TOX: variants seen among roughly 807,000 people sequenced by gnomAD.
TOX encodes thymocyte selection associated high mobility group box.
Under a neutral mutation model 53.7 loss-of-function variants are expected in TOX, and 11 were observed. The observed-to-expected ratio is 0.20, with a 90% confidence interval of 0.13 to 0.34. The LOEUF (loss-of-function observed/expected upper bound fraction) is 0.34. Among genes scored for constraint, TOX ranks in the 10% least tolerant of loss-of-function variants. TOX has a pLI of 1.00. For synonymous variants in TOX, 225 were observed against 245.3 expected, an observed-to-expected ratio of 0.92 and a Z score of 0.77; for missense variants, 570 against 664.6, an observed-to-expected ratio of 0.86 and a Z score of 1.56.
In TOX at chr8:58,838,068, G is replaced by A; in HGVS notation, c.924+13C>T. On this transcript the variant is annotated intron_variant, in intron 5 of 8. Coordinates refer to ENST00000361421, the MANE Select transcript of TOX (RefSeq NM_014729.3). ...AGCTTATGTAGATTCCCATTCCACT[G>A]GGAATCCCTTACCTGTTTTTGCTCT... is the stretch of plus-strand genomic sequence containing the variant. The A allele has an allele frequency of 6.2e-7, 1 of 1,611,260 alleles. No homozygotes were observed. Among genetic ancestry groups the A allele is most frequent in the Non-Finnish European group, 8.5e-7 (1 of 1,177,646 alleles).
At chr8:58,827,093 G>GAAA (rs199556197) in intron 5 of TOX, among the ~76,000 whole-genome samples, 191 bp from the exon 6 acceptor site, 1 of 149,904 alleles carries the variant, frequency 6.7e-6, no homozygotes, top group Admixed American at 6.6e-5. Flanking sequence ...GACTAGAAAA[G>GAAA]AAAAAAAAAG....
chr8:58,888,038 T>C (rs1041123196), intron 3 of TOX, among the ~76,000 whole-genome samples: 4 of 152,080 alleles, frequency 2.6e-5, no homozygotes, highest in African/African-American at 4.8e-5. Context: ...TACAAACCTG[T>C]ACAGCATGTG....
At chr8:59,021,481 A>AAAATATATATATATATAT (rs59174995) in intron 1 of TOX, among the ~76,000 whole-genome samples, 1 of 64,740 alleles carries the variant, frequency 1.5e-5, no homozygotes, top group African/African-American at 5.3e-5. Flanking sequence ...AAAAAAAAAA[A>AAAATATATATATATATAT]ATATATATAT....
intron 3 of TOX, among the ~76,000 whole-genome samples, chr8:58,906,933 T>G (rs995673603): frequency 3.9e-5 from 6 of 152,230 alleles, no homozygotes; most frequent in African/African-American, 1.4e-4. Flanking sequence ...GCAACACTGT[T>G]TCTGATTGTC....
At chr8:58,932,979 A>G (rs2129175856) in intron 3 of TOX, among the ~76,000 whole-genome samples, 1 of 152,256 alleles carries the variant, frequency 6.6e-6, no homozygotes, top group African/African-American at 2.4e-5. Context: ...GCCTTTTAAC[A>G]TCTTTTTTCC....
intron 3 of TOX, among the ~76,000 whole-genome samples, chr8:58,854,054 G>T (rs981339442): frequency 6.6e-6 from 1 of 152,152 alleles, no homozygotes; most frequent in African/African-American, 2.4e-5. Flanking sequence ...CCTACAGGGG[G>T]GCAGTCTTCT....
At chr8:58,873,435 C>T (rs1390399039) in intron 3 of TOX, among the ~76,000 whole-genome samples, 3 of 152,012 alleles carry the variant, frequency 2.0e-5, no homozygotes, top group Admixed American at 6.6e-5. Context: ...ATCTGTTGTC[C>T]GTACTACAAA....
At chr8:58,953,075 T>C (rs2129177803) in intron 2 of TOX, among the ~76,000 whole-genome samples, 1 of 152,252 alleles carries the variant, frequency 6.6e-6, no homozygotes, top group South Asian at 2.1e-4. Context: ...CATATTTTCA[T>C]GTAGATGATC....
intron 3 of TOX, among the ~76,000 whole-genome samples, chr8:58,913,743 G>A (rs912207422): frequency 6.9e-6 from 1 of 144,044 alleles, no homozygotes; most frequent in African/African-American, 2.5e-5. Flanking sequence ...ACCAATACTT[G>A]GAAGTATAAG....
At chr8:59,063,514 C>T (rs1406780671) in intron 1 of TOX, among the ~76,000 whole-genome samples, 3 of 150,776 alleles carry the variant, frequency 2.0e-5, no homozygotes, top group Non-Finnish European at 4.4e-5. Context: ...ACCTCCGCCT[C>T]CCGGGTTCAA....
chr8:59,057,462 A>C lies in TOX; in HGVS notation c.102+61424T>G, dbSNP rs146639475. Among the ~76,000 whole-genome samples, 55 of 152,298 alleles carry C rather than the reference A, an allele frequency of 3.6e-4. 1 individual carries two copies. The highest frequency in any genetic ancestry group is 1.3e-3 in the African/African-American group (53 of 41,570). ...GTAGAACAATGTTCAAGACACTGGAAACAATAAGTATTAGTTCCTAGTATC... is the reference window on the plus strand; with the variant it reads ...GTAGAACAATGTTCAAGACACTGGACACAATAAGTATTAGTTCCTAGTATC... On this transcript the variant is annotated intron_variant, in intron 1 of 8. Coordinates refer to ENST00000361421, the MANE Select transcript of TOX (RefSeq NM_014729.3).
chr8:58,992,215 T>C (rs1263739007), intron 1 of TOX: 2 of 152,186 alleles, frequency 1.3e-5, no homozygotes, highest in Non-Finnish European at 2.9e-5. Flanking sequence ...GGTCTAAGTC[T>C]ACAAGAATTC....
intron 1 of TOX, among the ~76,000 whole-genome samples, chr8:59,070,756 T>C (rs1167449797): frequency 6.6e-6 from 1 of 152,150 alleles, no homozygotes. Context: ...GTGACCTCTA[T>C]TTCATCTGAA....
intron 1 of TOX, among the ~76,000 whole-genome samples, chr8:59,033,979 G>GAA (rs1444103147): frequency 6.6e-6 from 1 of 152,204 alleles, no homozygotes; most frequent in Non-Finnish European, 1.5e-5. Context: ...CACACTGAAA[G>GAA]AAAATGTACC....
intron 2 of TOX, among the ~76,000 whole-genome samples, chr8:58,948,573 G>C (rs1325225313): frequency 6.6e-6 from 1 of 152,160 alleles, no homozygotes; most frequent in East Asian, 1.9e-4. Flanking sequence ...CCAGATTCAA[G>C]TGAAAGGAGC....
intron 2 of TOX, among the ~76,000 whole-genome samples, chr8:58,954,500 A>G (rs1436202979): frequency 2.0e-5 from 3 of 152,206 alleles, no homozygotes; most frequent in Non-Finnish European, 4.4e-5. Context: ...AAGAGCTCAC[A>G]ATCAGGTGAG....
At chr8:58,983,313 A>T (rs370078038) in intron 1 of TOX, among the ~76,000 whole-genome samples, 31 of 152,248 alleles carry the variant, frequency 2.0e-4, no homozygotes, top group African/African-American at 7.5e-4. Context: ...GACTGTCCCC[A>T]TGTGTTTGAG....
Position 58,965,894 on chromosome 8 carries a change from G to GCT in TOX, c.103-5887_103-5886insAG, listed in dbSNP as rs1374766431. Reference sequence around the variant, plus strand: ...GCCCAGTATAAGATTACGAGTCATCGTTTTTTTTTTTTTTTTTTTTTTTTT... The same window carrying GCT: ...GCCCAGTATAAGATTACGAGTCATCGCTTTTTTTTTTTTTTTTTTTTTTTTTT... On this transcript the variant is annotated intron_variant, in intron 1 of 8. Coordinates refer to ENST00000361421, the MANE Select transcript of TOX (RefSeq NM_014729.3). 2.4e-3 allele frequency among the ~76,000 whole-genome samples: 121 copies of GCT among 49,632 alleles called. 9 individuals carry two copies. Among genetic ancestry groups the GCT allele is most frequent in the Middle Eastern group, 0.013 (1 of 78 alleles). The allele number at this position is 49,632 out of a possible 152,430, so 32.6% of individuals were successfully genotyped here.
At chr8:58,938,419 C>T (rs1414842771) in intron 3 of TOX, among the ~76,000 whole-genome samples, 1 of 152,044 alleles carries the variant, frequency 6.6e-6, no homozygotes, top group African/African-American at 2.4e-5. Context: ...ACAATGAAAA[C>T]CAAAAAGTGC....
Sources: gnomAD v4.1 joint callset for allele counts (sites outside exome capture counted in the v4.1 genomes callset) on GRCh38, gnomAD v4.1.1 for gene constraint, MANE v1.5 for transcripts, NCBI Gene and HGNC (gene_info 2026-07-23, HGNC 2026-07-21) for gene names.